The following ADAM22 variants were observed in gnomAD, a reference collection of about 807,000 sequenced individuals.
ADAM22 encodes ADAM metallopeptidase domain 22.
Under a neutral mutation model 144.6 loss-of-function variants are expected in ADAM22, and 65 were observed. That is an observed-to-expected ratio of 0.45 (90% CI 0.37 to 0.55). ADAM22 has a LOEUF of 0.55. Ranked by LOEUF, ADAM22 falls within the 20% of genes least tolerant of loss-of-function variation. The probability of loss-of-function intolerance (pLI) is 0.00; values close to 1 mark genes in which losing one functional copy is unlikely to be tolerated. For synonymous variants in ADAM22, 391 were observed against 412.6 expected, an observed-to-expected ratio of 0.95 and a Z score of 0.63; for missense variants, 974 against 1,184.9, an observed-to-expected ratio of 0.82 and a Z score of 2.61.
intron 2 of ADAM22, among the ~76,000 whole-genome samples, chr7:87,956,758 T>A (rs1297602045): frequency 6.6e-6 from 1 of 152,234 alleles, no homozygotes; most frequent in African/African-American, 2.4e-5. Flanking sequence ...GTTTCATTCA[T>A]GTTGTAGCAT....
At chr7:88,175,532 A>G (rs187147630) in intron 26 of ADAM22, among the ~76,000 whole-genome samples, 5 of 152,264 alleles carry the variant, frequency 3.3e-5, no homozygotes, top group African/African-American at 9.6e-5. Flanking sequence ...TTTGAGGGGG[A>G]AAAAAACTAG....
chr7:87,952,026 T>G (rs1845364749), intron 2 of ADAM22, among the ~76,000 whole-genome samples: 3 of 149,694 alleles, frequency 2.0e-5, no homozygotes. Flanking sequence ...GCTTATCAGC[T>G]TAAGGAGATT....
chr7:88,091,859 C>G (rs1385088405), intron 4 of ADAM22, among the ~76,000 whole-genome samples: 1 of 152,060 alleles, frequency 6.6e-6, no homozygotes, highest in Non-Finnish European at 1.5e-5. Flanking sequence ...TTTAATAGGC[C>G]AGAATTGAAG....
At chr7:88,003,134 C>T (rs1367667110) in intron 3 of ADAM22, among the ~76,000 whole-genome samples, 1 of 152,140 alleles carries the variant, frequency 6.6e-6, no homozygotes, top group Non-Finnish European at 1.5e-5. Context: ...CTGCAGGAGG[C>T]ATGTTGTTGC....
intron 8 of ADAM22, 146 bp from the exon 9 acceptor site, chr7:88,128,456 A>G: frequency 1.5e-6 from 1 of 662,964 alleles, no homozygotes; most frequent in Non-Finnish European, 2.7e-6. Context: ...CAACTCAGAA[A>G]CTAAGCAAAT....
intron 4 of ADAM22, among the ~76,000 whole-genome samples, chr7:88,088,711 G>A (rs1429829650): frequency 6.6e-6 from 1 of 152,090 alleles, no homozygotes; most frequent in African/African-American, 2.4e-5. Context: ...TTCCCCGCAA[G>A]GACCATACTT....
chr7:88,091,051 A>C (rs182212323), intron 4 of ADAM22, among the ~76,000 whole-genome samples: 2 of 152,268 alleles, frequency 1.3e-5, no homozygotes, highest in East Asian at 3.9e-4. Context: ...AGTATATGTA[A>C]GTCATAGTGA....
chr7:88,020,452 A>G (rs1051965991), intron 3 of ADAM22, among the ~76,000 whole-genome samples: 3 of 152,166 alleles, frequency 2.0e-5, no homozygotes, highest in East Asian at 1.9e-4. Context: ...AGGAGGATGC[A>G]TATTTGCCAA....
intron 25 of ADAM22, 102 bp downstream of exon 25, chr7:88,168,329 T>C: frequency 8.4e-7 from 1 of 1,195,120 alleles, no homozygotes; most frequent in South Asian, 1.2e-5. Flanking sequence ...TTGAATATAC[T>C]TGCAATGAAA....
At chr7:88,181,408 A>G in intron 27 of ADAM22, 97 bp from the exon 28 acceptor site, 1 of 903,192 alleles carries the variant, frequency 1.1e-6, no homozygotes, top group Non-Finnish European at 1.7e-6. Context: ...GATTTATTTT[A>G]TTTAATGCAC....
chr7:88,113,673 TATA>T (rs1319286646), intron 5 of ADAM22, among the ~76,000 whole-genome samples: 5 of 123,800 alleles, frequency 4.0e-5, no homozygotes, highest in African/African-American at 1.2e-4. Context: ...TATATATATA[TATA>T]ATATATATAT....
At chr7:88,183,929 T>C (rs1468155079) in intron 29 of ADAM22, among the ~76,000 whole-genome samples, 5 of 151,932 alleles carry the variant, frequency 3.3e-5, no homozygotes, top group Non-Finnish European at 7.4e-5. Context: ...TTTGCAAACT[T>C]TTAATACTTT....
intron 4 of ADAM22, among the ~76,000 whole-genome samples, chr7:88,080,805 T>G (rs543729129): frequency 6.6e-6 from 1 of 152,272 alleles, no homozygotes; most frequent in South Asian, 2.1e-4. Context: ...CAGGAAGAAG[T>G]TGAATCTCTG....
At chr7:88,112,376 C>T (rs988689226) in intron 5 of ADAM22, among the ~76,000 whole-genome samples, 2 of 152,166 alleles carry the variant, frequency 1.3e-5, no homozygotes, top group Admixed American at 6.5e-5. Context: ...ATAATTATAG[C>T]TCATGGAATT....
intron 14 of ADAM22, among the ~76,000 whole-genome samples, chr7:88,139,549 G>T (rs2129516761): frequency 6.6e-6 from 1 of 152,244 alleles, no homozygotes; most frequent in African/African-American, 2.4e-5. Flanking sequence ...TAAAAACATT[G>T]GCTGGAGTAA....
chr7:88,163,301 T>C, intron 23 of ADAM22, 121 bp downstream of exon 23: 1 of 730,098 alleles, frequency 1.4e-6, no homozygotes, highest in Admixed American at 4.0e-5. Flanking sequence ...CTAGTTGGTA[T>C]ATAAATACTA....
chr7:87,937,840 C>T (rs898656837), intron 2 of ADAM22, among the ~76,000 whole-genome samples: 1 of 152,206 alleles, frequency 6.6e-6, no homozygotes, highest in African/African-American at 2.4e-5. Context: ...ATGATACCAT[C>T]TTATAGTAAT....
intron 5 of ADAM22, among the ~76,000 whole-genome samples, chr7:88,110,393 G>A (rs1362170494): frequency 6.6e-6 from 1 of 151,974 alleles, no homozygotes; most frequent in Non-Finnish European, 1.5e-5. Flanking sequence ...AAGTCCTAGT[G>A]TCAGCATCTT....
intron 2 of ADAM22, among the ~76,000 whole-genome samples, chr7:87,963,320 G>A (rs1200174749): frequency 4.6e-5 from 7 of 152,116 alleles, no homozygotes; most frequent in African/African-American, 1.4e-4. Context: ...AGTTCGGAGC[G>A]ACAACCCACC....
Sources: gnomAD v4.1 joint callset for allele counts (sites outside exome capture counted in the v4.1 genomes callset) on GRCh38, gnomAD v4.1.1 for gene constraint, MANE v1.5 for transcripts, NCBI Gene and HGNC (gene_info 2026-07-23, HGNC 2026-07-21) for gene names.